Variants in CDH3 observed in about 807,000 individuals in gnomAD.
The protein encoded by CDH3 is cadherin 3, also known as cadherin-3.
A neutral mutation model predicts 82.0 loss-of-function variants in CDH3; 54 were observed. The ratio of observed to expected loss-of-function variants is 0.66; its 90% CI spans 0.53 to 0.83. The LOEUF (loss-of-function observed/expected upper bound fraction) is 0.83. Among genes scored for constraint, CDH3 ranks in the 40% least tolerant of loss-of-function variants. The probability of loss-of-function intolerance (pLI) is 0.00; values close to 1 mark genes in which losing one functional copy is unlikely to be tolerated. For synonymous variants in CDH3, 446 were observed against 437.9 expected (o/e 1.02, Z -0.23); for missense variants, 1,054 against 1,084.6 (o/e 0.97, Z 0.40).
chr16:68,680,972 T>C lies in CDH3; in HGVS notation c.872T>C (p.Val291Ala). Residue 291 changes from valine to alanine, a missense_variant, in exon 8 of 16, where the codon GTC (valine) becomes GCC (alanine). Transcript: ENST00000264012. ...TCCCCTCTCCTTTCTCCCCAGAAAG[T>C]CCCTGAGTACACACTGACCATCCAG... Reference protein sequence around the residue: ...VISSGLDREKVPEYTLTIQAT... With the variant: ...VISSGLDREKAPEYTLTIQAT... The C allele has an allele frequency of 6.2e-7, 1 of 1,614,030 alleles. No individual in the cohort carries two copies. Among genetic ancestry groups the C allele is most frequent in the Non-Finnish European group, 8.5e-7 (1 of 1,179,972 alleles).
intron 1 of CDH3, among the ~76,000 whole-genome samples, chr16:68,705,714 G>A (rs537342501): frequency 1.1e-3 from 168 of 151,438 alleles, no homozygotes; most frequent in African/African-American, 3.6e-3. Flanking sequence ...GAGCCGCCGT[G>A]CCCAGCCCCA....
intron 12 of CDH3, among the ~76,000 whole-genome samples, chr16:68,690,780 G>A (rs1365941130): frequency 1.7e-4 from 25 of 150,776 alleles, no homozygotes; most frequent in Admixed American, 1.7e-3. Flanking sequence ...GGTGGCGGGT[G>A]CCTGTAATCT....
chr16:68,647,498 G>A (rs1038495989), intron 2 of CDH3, among the ~76,000 whole-genome samples: 2 of 152,088 alleles, frequency 1.3e-5, no homozygotes, highest in African/African-American at 2.4e-5. Flanking sequence ...CAGCTTTCTC[G>A]GATGTCTGCT....
intron 2 of CDH3, among the ~76,000 whole-genome samples, chr16:68,725,955 T>A (rs1400102072): frequency 6.6e-6 from 1 of 151,958 alleles, no homozygotes; most frequent in African/African-American, 2.4e-5. Flanking sequence ...CTCAAGAGGC[T>A]GAGGTGGAAG....
intron 2 of CDH3, among the ~76,000 whole-genome samples, chr16:68,654,280 C>T (rs1283810381): frequency 6.8e-6 from 1 of 147,438 alleles, no homozygotes; most frequent in Non-Finnish European, 1.5e-5. Flanking sequence ...AGGATGATCT[C>T]GATCTTCTGA....
intron 2 of CDH3, among the ~76,000 whole-genome samples, chr16:68,724,170 G>A (rs985399390): frequency 6.6e-6 from 1 of 152,132 alleles, no homozygotes; most frequent in Non-Finnish European, 1.5e-5. Context: ...AGGAGGTGGA[G>A]GTTGCAGTGA....
chr16:68,681,840 A>T (rs1017415680), intron 8 of CDH3, among the ~76,000 whole-genome samples: 1 of 152,064 alleles, frequency 6.6e-6, no homozygotes, highest in African/African-American at 2.4e-5. Context: ...TGTCTAAAAA[A>T]ATAAAATAAA....
At chr16:68,727,177 T>G (rs559709180) in exon 3 of CDH3, among the ~76,000 whole-genome samples, 2 of 152,290 alleles carry the variant, frequency 1.3e-5, no homozygotes, top group African/African-American at 4.8e-5. Flanking sequence ...CCTTCTGCCC[T>G]TAAACATCAG....
downstream of CDH3, among the ~76,000 whole-genome samples, chr16:68,705,043 C>A (rs1407465112): frequency 6.6e-6 from 1 of 151,984 alleles, no homozygotes; most frequent in East Asian, 1.9e-4. Context: ...GCCTGGGTGA[C>A]AGAACAAGAC....
intron 1 of CDH3, 87 bp downstream of exon 1, chr16:68,645,511 G>A (rs1960026047): frequency 6.7e-7 from 1 of 1,488,620 alleles, no homozygotes; most frequent in Non-Finnish European, 9.2e-7. Flanking sequence ...GTCGGGGAGA[G>A]CGCGGGGCTG....
At position 68,645,435 on chromosome 16, in the gene CDH3, G is replaced by A; in HGVS notation, c.45+11G>A. 1 of 1,612,950 alleles carries A rather than the reference G, an allele frequency of 6.2e-7. No individual in the cohort carries two copies. Among genetic ancestry groups the A allele is most frequent in the Non-Finnish European group, 8.5e-7 (1 of 1,179,606 alleles). On this transcript the variant is annotated intron_variant, in intron 1 of 15. Coordinates refer to ENST00000264012, the MANE Select transcript of CDH3 (RefSeq NM_001793.6). Reference sequence around the variant, plus strand: ...CTCCTCCTTCTCCAGGTACTCCACAGCCTCGCCGTGGCCCCGACCGGGACC... The same window carrying A: ...CTCCTCCTTCTCCAGGTACTCCACAACCTCGCCGTGGCCCCGACCGGGACC...
At position 68,669,242 on chromosome 16, in the gene CDH3, G is replaced by C. The variant is rs555244146; in HGVS notation, c.161-7143G>C. The stretch of plus-strand genomic sequence containing the variant: ...GAGGATTTGGGTAGGAAAACACTTA[G>C]CTGGGTATCCTGAGCAGAGTGGGTG... On this transcript the variant is annotated intron_variant, in intron 2 of 15. Transcript: ENST00000264012. Among the ~76,000 whole-genome samples, 11 of 152,280 alleles carry C rather than the reference G, an allele frequency of 7.2e-5. No individual in the cohort carries two copies. The South Asian group carries it at 1.9e-3, about 26-fold the overall frequency.
At chr16:68,688,100 C>G (rs1455656327) in intron 12 of CDH3, among the ~76,000 whole-genome samples, 2 of 151,202 alleles carry the variant, frequency 1.3e-5, no homozygotes, top group African/African-American at 4.9e-5. Flanking sequence ...GGCCAAGTCA[C>G]TCCCTCCCTC....
At chr16:68,701,586 C>G (rs934669284), downstream of CDH3, among the ~76,000 whole-genome samples, 1 of 150,968 alleles carries the variant, frequency 6.6e-6, no homozygotes, top group African/African-American at 2.4e-5. Flanking sequence ...CACTCTCCCC[C>G]CGGGGCTAGA....
At chr16:68,672,523 A>C (rs1960914715) in intron 2 of CDH3, among the ~76,000 whole-genome samples, 1 of 152,210 alleles carries the variant, frequency 6.6e-6, no homozygotes, top group African/African-American at 2.4e-5. Context: ...TTCTGAGGAC[A>C]GAAGATGAGT....
chr16:68,701,191 G>T (rs755073727), downstream of CDH3, among the ~76,000 whole-genome samples: 3 of 151,980 alleles, frequency 2.0e-5, no homozygotes, highest in Non-Finnish European at 4.4e-5. Context: ...GCCTCAACTG[G>T]CCTCGGTGGA....
At chr16:68,719,780 T>G (rs979908688) in intron 1 of CDH3, among the ~76,000 whole-genome samples, 25 of 152,070 alleles carry the variant, frequency 1.6e-4, no homozygotes, top group African/African-American at 6.0e-4. Context: ...ATTGCAGGCG[T>G]GAGCCACCAC....
rs181903175 is a variant in CDH3, at chr16:68,671,612, C to T, written c.161-4773C>T. On this transcript the variant is annotated intron_variant, in intron 2 of 15. Transcript: ENST00000264012. ...TCTCGGCTTACTGCAACCTCTGTCT[C>T]CTGGGTTCAAGCGATTCTCCTGCCT... Among the ~76,000 whole-genome samples the T allele has an allele frequency of 4.5e-3, 667 of 147,048 alleles. 1 individual carries two copies. The highest frequency in any genetic ancestry group is 0.011 in the Middle Eastern group (3 of 274).
intron 1 of CDH3, among the ~76,000 whole-genome samples, chr16:68,715,676 A>G (rs1462020293): frequency 6.6e-6 from 1 of 152,162 alleles, no homozygotes; most frequent in Non-Finnish European, 1.5e-5. Context: ...TTGCCCTGAG[A>G]AGCCGCCCCA....
Sources: gnomAD v4.1 joint callset for allele counts (sites outside exome capture counted in the v4.1 genomes callset) on GRCh38, gnomAD v4.1.1 for gene constraint, MANE v1.5 for transcripts, NCBI Gene and HGNC (gene_info 2026-07-23, HGNC 2026-07-21) for gene names.